RNF220: variants seen among roughly 807,000 people sequenced by gnomAD.
RNF220 encodes E3 ubiquitin-protein ligase RNF220.
Under a neutral mutation model 67.1 loss-of-function variants are expected in RNF220, and 7 were observed. The observed-to-expected ratio is 0.10, with a 90% confidence interval of 0.06 to 0.20. RNF220 has a LOEUF of 0.20. Ranked by LOEUF, RNF220 falls within the 10% of genes least tolerant of loss-of-function variation. The pLI is 1.00. For synonymous variants in RNF220, 270 were observed against 283.2 expected (o/e 0.95, Z 0.47); for missense variants, 565 against 740.3 (o/e 0.76, Z 2.75).
chr1:44,479,517 G>T (rs551925064), intron 2 of RNF220, among the ~76,000 whole-genome samples: 3 of 151,920 alleles, frequency 2.0e-5, no homozygotes, highest in Non-Finnish European at 4.4e-5. Context: ...TTAAGTACTG[G>T]GAATGTCAGG....
intron 2 of RNF220, among the ~76,000 whole-genome samples, chr1:44,593,024 C>G (rs1666227205): frequency 6.6e-6 from 1 of 152,156 alleles, no homozygotes; most frequent in Admixed American, 6.5e-5. Flanking sequence ...CCCAGAGCTG[C>G]CATGGTGTCT....
chr1:44,549,386 A>G (rs942379758), intron 2 of RNF220, among the ~76,000 whole-genome samples: 1 of 152,208 alleles, frequency 6.6e-6, no homozygotes, highest in Non-Finnish European at 1.5e-5. Flanking sequence ...AGGAACTTTT[A>G]TCACCAAGGG....
At chr1:44,629,198 C>T (rs139628296) in intron 5 of RNF220, among the ~76,000 whole-genome samples, 3 of 152,362 alleles carry the variant, frequency 2.0e-5, no homozygotes, top group Admixed American at 1.3e-4. Flanking sequence ...ATGCCAAAGC[C>T]GCAAGGCCTG....
chr1:44,459,718 G>T (rs1653573879), intron 2 of RNF220, among the ~76,000 whole-genome samples: 1 of 152,160 alleles, frequency 6.6e-6, no homozygotes, highest in Non-Finnish European at 1.5e-5. Flanking sequence ...AGGTGGAGCG[G>T]AACTGCCGAT....
intron 4 of RNF220, among the ~76,000 whole-genome samples, chr1:44,623,405 C>T (rs752615939): frequency 2.6e-5 from 4 of 152,182 alleles, no homozygotes; most frequent in Non-Finnish European, 2.9e-5. Flanking sequence ...GGCCAAGAGG[C>T]CTTAGCACAA....
chr1:44,589,902 A>T lies in RNF220; in HGVS notation c.626-24263A>T, dbSNP rs115035588. Among the ~76,000 whole-genome samples, 433 of 152,252 alleles carry T rather than the reference A, an allele frequency of 2.8e-3. 3 individuals are homozygous for T. The highest frequency in any genetic ancestry group is 9.9e-3 in the African/African-American group (413 of 41,564). On this transcript the variant is annotated intron_variant, in intron 2 of 14. Coordinates refer to ENST00000361799, the MANE Select transcript of RNF220 (RefSeq NM_018150.4). ...GGTCTGGGGGTATGAGGCAGGGAGA[A>T]GGGGTGCACACAATCAGCTGGTTTA...
intron 2 of RNF220, among the ~76,000 whole-genome samples, chr1:44,611,315 G>A (rs1468238292): frequency 9.9e-5 from 15 of 152,218 alleles, no homozygotes; most frequent in Admixed American, 9.8e-4. Context: ...ATGTCCCTGT[G>A]GCAGCAAAGC....
At chr1:44,504,645 C>G (rs1658248789) in intron 2 of RNF220, among the ~76,000 whole-genome samples, 2 of 152,024 alleles carry the variant, frequency 1.3e-5, no homozygotes, top group Admixed American at 1.3e-4. Context: ...GAGCAAAGTC[C>G]CCTCTTCCAT....
At chr1:44,451,800 T>G (rs1433196581) in intron 2 of RNF220, among the ~76,000 whole-genome samples, 2 of 152,112 alleles carry the variant, frequency 1.3e-5, no homozygotes, top group African/African-American at 4.8e-5. Context: ...TTTGTATTTT[T>G]GGTACAGATG....
intron 2 of RNF220, among the ~76,000 whole-genome samples, chr1:44,423,115 C>T (rs1183519715): frequency 6.6e-6 from 1 of 152,230 alleles, no homozygotes; most frequent in Non-Finnish European, 1.5e-5. Flanking sequence ...GGAAATATAA[C>T]ATGCCATGAG....
intron 2 of RNF220, among the ~76,000 whole-genome samples, chr1:44,515,650 T>C (rs1659396850): frequency 6.6e-6 from 1 of 152,196 alleles, no homozygotes; most frequent in Admixed American, 6.5e-5. Context: ...TGTGATGAAC[T>C]GAGGGTGCCA....
At chr1:44,548,024 G>A (rs991781974) in intron 2 of RNF220, among the ~76,000 whole-genome samples, 5 of 151,880 alleles carry the variant, frequency 3.3e-5, no homozygotes, top group Non-Finnish European at 5.9e-5. Flanking sequence ...TCTCTACCAC[G>A]AACAGTACCG....
chr1:44,651,042 G>A lies in RNF220; in HGVS notation c.*267G>A. ...AGCTCTGTTCCCAGGGTGGGGCAGGGAGGTGGGGGTTGGGGGAGTAGTGGG... is the reference window on the plus strand; with the variant it reads ...AGCTCTGTTCCCAGGGTGGGGCAGGAAGGTGGGGGTTGGGGGAGTAGTGGG... On this transcript the variant is annotated 3_prime_UTR_variant, in exon 15 of 15. Transcript: ENST00000361799. The A allele has an allele frequency of 2.2e-6, 1 of 462,312 alleles. No individual in the cohort carries two copies. The highest frequency in any genetic ancestry group is 2.1e-5 in the South Asian group (1 of 48,530). The allele number at this position is 462,312 out of a possible 1,614,324, so 28.6% of individuals were successfully genotyped here. A position where few individuals can be genotyped will look rare whatever the true frequency, so the allele number is the denominator to read the frequency against.
rs1291754284 is a variant in RNF220 at position 44,645,385 on chromosome 1, G to A, written c.1367-25G>A. Reference sequence around the variant, plus strand: ...CTGTGCTGCCCAGTCTGGCCGGAGTGTGAGTTGCCCCTCTGTCCCAGCAGA... The same window carrying A: ...CTGTGCTGCCCAGTCTGGCCGGAGTATGAGTTGCCCCTCTGTCCCAGCAGA... On this transcript the variant is annotated intron_variant, in intron 11 of 14. Coordinates refer to ENST00000361799, the MANE Select transcript of RNF220 (RefSeq NM_018150.4). This position sits in a 1 kb window ranked among gnomAD's most constrained non-coding sequence, Gnocchi z 5.0. 1.2e-6 allele frequency: 2 copies of A among 1,613,944 alleles called. No homozygotes were observed. The highest frequency in any genetic ancestry group is 1.7e-5 in the Admixed American group (1 of 59,996).
intron 8 of RNF220, chr1:44,638,445 T>C (rs986224770): frequency 6.6e-6 from 1 of 152,262 alleles, no homozygotes; most frequent in African/African-American, 2.4e-5. Context: ...TAAACTGCGC[T>C]GTGCGTGCTG....
intron 1 of RNF220, 108 bp from the exon 2 acceptor site, chr1:44,411,873 G>A (rs1056961802): frequency 9.6e-6 from 5 of 520,682 alleles, no homozygotes; most frequent in East Asian, 6.4e-5. Context: ...TCTCTTGCCC[G>A]AGCATCTGTG....
At chr1:44,564,583 C>T (rs1663836375) in intron 2 of RNF220, among the ~76,000 whole-genome samples, 1 of 151,868 alleles carries the variant, frequency 6.6e-6, no homozygotes, top group Non-Finnish European at 1.5e-5. Context: ...TGAAAAAACC[C>T]ATCTCTACTA....
intron 1 of RNF220, 40 bp from the exon 2 acceptor site, chr1:44,411,941 T>G: frequency 9.0e-6 from 7 of 777,698 alleles, no homozygotes; most frequent in African/African-American, 1.8e-5. Flanking sequence ...TCCCCCTGAC[T>G]TTCCTCCCCC....
intron 2 of RNF220, among the ~76,000 whole-genome samples, chr1:44,547,904 C>T (rs765119205): frequency 6.6e-6 from 1 of 152,110 alleles, no homozygotes; most frequent in Non-Finnish European, 1.5e-5. Context: ...TGCTCTAGGC[C>T]CATCTACCTA....
Sources: allele counts gnomAD v4.1 joint callset (sites outside exome capture counted in the v4.1 genomes callset), GRCh38; gene constraint gnomAD v4.1.1; non-coding constraint Gnocchi (gnomAD v3.1); transcripts MANE v1.5; gene names NCBI Gene and HGNC (gene_info 2026-07-23, HGNC 2026-07-21).